ERBB4: variants seen among roughly 807,000 people sequenced by gnomAD.
ERBB4 encodes the protein receptor tyrosine-protein kinase erbB-4.
In ERBB4, 42 loss-of-function variants were observed where a neutral mutation model predicts 158.0. That is an observed-to-expected ratio of 0.27 (90% confidence interval 0.21 to 0.34). The LOEUF (loss-of-function observed/expected upper bound fraction) is 0.34, where lower values mean the gene tolerates loss of function less well. Ranked by LOEUF, ERBB4 falls within the 10% of genes least tolerant of loss-of-function variation. The pLI, the probability that ERBB4 is intolerant of heterozygous loss-of-function variation, is 1.00. For synonymous variants in ERBB4, 583 were observed against 558.7 expected (o/e 1.04, Z -0.61); for missense variants, 1,333 against 1,624.1 (o/e 0.82, Z 3.08).
intron 25 of ERBB4, among the ~76,000 whole-genome samples, chr2:211,417,777 T>C (rs893774948): frequency 2.0e-5 from 3 of 152,140 alleles, no homozygotes; most frequent in Admixed American, 6.5e-5. Context: ...TTTTCATAGA[T>C]AGTGGGTAGA....
intron 1 of ERBB4, among the ~76,000 whole-genome samples, chr2:212,399,586 T>TATATATATATA (rs1560214701): frequency 1.9e-5 from 2 of 103,052 alleles, no homozygotes; most frequent in African/African-American, 7.4e-5. Context: ...ATATATATAT[T>TATATATATATA]GGGCGTGGTG....
chr2:212,267,600 T>TTTTTTTTC (rs776635352), intron 1 of ERBB4, among the ~76,000 whole-genome samples: 56 of 122,058 alleles, frequency 4.6e-4, no homozygotes, highest in African/African-American at 1.8e-3. Flanking sequence ...CTCATTTCTT[T>TTTTTTTTC]TTTTTTTTTT....
intron 1 of ERBB4, among the ~76,000 whole-genome samples, chr2:212,263,507 T>C (rs1324765962): frequency 6.6e-6 from 1 of 152,116 alleles, no homozygotes; most frequent in Non-Finnish European, 1.5e-5. Flanking sequence ...CCAAATTGCG[T>C]TTTTGCAGCC....
chr2:211,772,059 C>T (rs929134401), intron 4 of ERBB4, among the ~76,000 whole-genome samples: 1 of 152,056 alleles, frequency 6.6e-6, no homozygotes, highest in Non-Finnish European at 1.5e-5. Context: ...GAATAGTTTA[C>T]AATGTTTTAC....
At chr2:211,660,683 T>C (rs1262600518) in intron 15 of ERBB4, among the ~76,000 whole-genome samples, 4 of 152,198 alleles carry the variant, frequency 2.6e-5, no homozygotes, top group South Asian at 2.1e-4. Flanking sequence ...AATCTTGAAA[T>C]AGCATGTAGG....
intron 1 of ERBB4, among the ~76,000 whole-genome samples, chr2:212,303,591 A>G (rs2086700556): frequency 2.6e-5 from 4 of 151,554 alleles, no homozygotes. Context: ...TTAGAATTAC[A>G]GTTTAATTTT....
intron 3 of ERBB4, among the ~76,000 whole-genome samples, chr2:211,921,473 A>G (rs2079856686): frequency 6.6e-6 from 1 of 152,110 alleles, no homozygotes; most frequent in Non-Finnish European, 1.5e-5. Context: ...GTGTAAGTCT[A>G]AAACTCGAGT....
intron 2 of ERBB4, among the ~76,000 whole-genome samples, chr2:212,055,166 G>A (rs1815023): frequency 0.82 from 124,129 of 152,068 alleles, 52,642 homozygotes; most frequent in East Asian, 1. Flanking sequence ...CACCTGGCTC[G>A]GAGGGTCCCA....
chr2:212,266,100 G>C (rs2085125444), intron 1 of ERBB4, among the ~76,000 whole-genome samples: 1 of 151,738 alleles, frequency 6.6e-6, no homozygotes, highest in Non-Finnish European at 1.5e-5. Flanking sequence ...CGTCTCAATT[G>C]CATGCCCCCC....
At chr2:212,399,399 T>C (rs993941913) in intron 1 of ERBB4, among the ~76,000 whole-genome samples, 2 of 151,880 alleles carry the variant, frequency 1.3e-5, no homozygotes, top group East Asian at 1.9e-4. Context: ...ACAAAAGTAT[T>C]AAGGGGTTAT....
intron 25 of ERBB4, among the ~76,000 whole-genome samples, chr2:211,405,000 A>G (rs879638534): frequency 6.6e-6 from 1 of 152,168 alleles, no homozygotes; most frequent in Non-Finnish European, 1.5e-5. Context: ...ATTGGAACTT[A>G]AAAAAGAGAA....
chr2:211,880,489 G>A (rs2106147159), intron 3 of ERBB4, among the ~76,000 whole-genome samples: 1 of 152,138 alleles, frequency 6.6e-6, no homozygotes, highest in Middle Eastern at 3.4e-3. Context: ...TTGTTTACTT[G>A]ACTATACATA....
intron 1 of ERBB4, among the ~76,000 whole-genome samples, chr2:212,277,595 CAGAG>C (rs1559907854): frequency 6.6e-6 from 1 of 151,712 alleles, no homozygotes; most frequent in African/African-American, 2.4e-5. Flanking sequence ...GCTCATACTA[CAGAG>C]AGTCTCCTAG....
chr2:212,097,459 T>C (rs1470201423), intron 2 of ERBB4, among the ~76,000 whole-genome samples: 3 of 152,106 alleles, frequency 2.0e-5, no homozygotes, highest in Non-Finnish European at 2.9e-5. Context: ...GCAGATAGTT[T>C]GGTGAAAGCA....
intron 1 of ERBB4, among the ~76,000 whole-genome samples, chr2:212,140,232 T>C (rs1487414297): frequency 6.6e-6 from 1 of 151,104 alleles, no homozygotes; most frequent in East Asian, 1.9e-4. Context: ...GCAAAGATAC[T>C]TTTTAAGAAT....
At chr2:212,153,144 A>T (rs1277919386) in intron 1 of ERBB4, among the ~76,000 whole-genome samples, 2 of 152,200 alleles carry the variant, frequency 1.3e-5, no homozygotes, top group Non-Finnish European at 2.9e-5. Context: ...TGATAGGGGA[A>T]CCTACTAAAA....
intron 1 of ERBB4, among the ~76,000 whole-genome samples, chr2:212,483,681 C>CCATT (rs141844068): frequency 0.11 from 16,370 of 152,078 alleles, 1,158 homozygotes; most frequent in Non-Finnish European, 0.16. Flanking sequence ...GAAGCCTCAC[C>CCATT]CATTGACTCT....
chr2:212,135,951 G>A (rs549533954), intron 1 of ERBB4, among the ~76,000 whole-genome samples: 7 of 152,294 alleles, frequency 4.6e-5, no homozygotes, highest in African/African-American at 1.7e-4. Flanking sequence ...GAGGGACAGT[G>A]CAAACCTCCA....
rs935052715 is a variant in ERBB4 at position 212,502,783 on chromosome 2, T to G, written c.82+35666A>C. Among the ~76,000 whole-genome samples, 3 of 152,126 alleles carry G rather than the reference T, an allele frequency of 2.0e-5. No homozygotes were observed. In the East Asian group the frequency reaches 5.8e-4, roughly 29 times the overall value. On this transcript the variant is annotated intron_variant, in intron 1 of 27. Transcript: ENST00000342788. ...ACCTTCCATTCTTTCTTTTTCATTG[T>G]TTTTTTGAGACAGGGTCTCACTCTG...
Sources: allele counts gnomAD v4.1 joint callset (sites outside exome capture counted in the v4.1 genomes callset), GRCh38; gene constraint gnomAD v4.1.1; transcripts MANE v1.5; gene names NCBI Gene and HGNC (gene_info 2026-07-23, HGNC 2026-07-21).